The following CABIN1 variants were observed in gnomAD, a reference collection of about 807,000 sequenced individuals.
CABIN1 encodes calcineurin binding protein 1, also known as calcineurin-binding protein cabin-1.
Under a neutral mutation model 227.7 loss-of-function variants are expected in CABIN1, and 133 were observed. The observed-to-expected ratio is 0.58, with a 90% CI of 0.51 to 0.67. The LOEUF is 0.67. Among genes scored for constraint, CABIN1 ranks in the 30% least tolerant of loss-of-function variants. CABIN1 has a pLI of 0.00. For missense variants in CABIN1, 2,408 were observed against 2,852.5 expected, an observed-to-expected ratio of 0.84 and a Z score of 3.55; for synonymous variants, 1,086 against 1,155.1, an observed-to-expected ratio of 0.94 and a Z score of 1.21.
At chr22:24,114,613 A>G (rs1432936915) in intron 27 of CABIN1, among the ~76,000 whole-genome samples, 1 of 152,026 alleles carries the variant, frequency 6.6e-6, no homozygotes, top group African/African-American at 2.4e-5. Flanking sequence ...ACCCCACGCT[A>G]CCTCTCCGGG....
chr22:24,016,392 A>G (rs1449686538), intron 1 of CABIN1, among the ~76,000 whole-genome samples: 1 of 152,088 alleles, frequency 6.6e-6, no homozygotes, highest in Admixed American at 6.5e-5. Context: ...TTATCAGTTG[A>G]TGGATTTTGG....
intron 12 of CABIN1, among the ~76,000 whole-genome samples, chr22:24,061,073 A>C (rs528829238): frequency 3.9e-5 from 6 of 152,314 alleles, no homozygotes; most frequent in Admixed American, 3.3e-4. Context: ...GGGAGCCACC[A>C]TGCCTGGCCT....
intron 29 of CABIN1, among the ~76,000 whole-genome samples, chr22:24,147,636 G>T (rs2045234509): frequency 6.6e-6 from 1 of 151,592 alleles, no homozygotes; most frequent in African/African-American, 2.4e-5. Flanking sequence ...TGAGGGACAG[G>T]TCTCATTATG....
At chr22:24,033,139 T>C (rs1255235233) in intron 1 of CABIN1, among the ~76,000 whole-genome samples, 2 of 152,160 alleles carry the variant, frequency 1.3e-5, no homozygotes, top group Non-Finnish European at 2.9e-5. Flanking sequence ...AGTATTCTTT[T>C]TTTTCTAAAT....
chr22:24,058,215 G>A (rs139680153), intron 10 of CABIN1, among the ~76,000 whole-genome samples: 57 of 152,218 alleles, frequency 3.7e-4, no homozygotes, highest in African/African-American at 1.3e-3. Context: ...TAGAGATGAG[G>A]TCTTGCTATA....
chr22:24,107,060 T>G (rs190079566), intron 26 of CABIN1, among the ~76,000 whole-genome samples: 295 of 152,304 alleles, frequency 1.9e-3, no homozygotes, highest in Non-Finnish European at 3.6e-3. Flanking sequence ...CCTGGACTCC[T>G]TCCTGTGGTG....
intron 16 of CABIN1, among the ~76,000 whole-genome samples, chr22:24,067,734 A>G (rs565196232): frequency 4.5e-4 from 68 of 152,028 alleles, no homozygotes; most frequent in Non-Finnish European, 8.7e-4. Context: ...CAGTTATTCA[A>G]CCTCTCTGAG....
In CABIN1 at chr22:24,178,125, C is replaced by A; in HGVS notation, c.6592C>A (p.Leu2198Met). 1.2e-6 allele frequency: 2 copies of A among 1,613,828 alleles called. No individual in the cohort carries two copies. The highest frequency in any genetic ancestry group is 1.7e-6 in the Non-Finnish European group (2 of 1,179,964). Residue 2198 changes from leucine to methionine, a missense_variant, in exon 37 of 37, where the codon CTG (leucine) becomes ATG (methionine). Physicochemically the swap from Leu to Met is conservative, Grantham distance 15 (BLOSUM62 2). Transcript: ENST00000263119. ...ESLCQPALEV[L>M]ETSSQESSLE... ...CCTATGCCAGCCAGCCCTGGAGGTCCTGGAGACATCCAGCCAGGAGTCCTC... is the reference window on the plus strand; with the variant it reads ...CCTATGCCAGCCAGCCCTGGAGGTCATGGAGACATCCAGCCAGGAGTCCTC...
chr22:24,121,541 C>G (rs1332940169), intron 28 of CABIN1, among the ~76,000 whole-genome samples: 2 of 152,220 alleles, frequency 1.3e-5, no homozygotes, highest in African/African-American at 4.8e-5. Flanking sequence ...GGCAGTGGAC[C>G]TTACCTCTGT....
In CABIN1 at chr22:24,166,904, C is replaced by G; in HGVS notation, c.5273C>G (p.Thr1758Ser). Residue 1758 changes from threonine to serine, a missense_variant, in exon 32 of 37, where the codon ACT (threonine) becomes AGT (serine). Coordinates refer to ENST00000263119, the MANE Select transcript of CABIN1 (RefSeq NM_012295.4). ...KDKESPRAGP[T>S]EPMDTSEATV... Reference sequence around the variant, plus strand: ...AAAGAGAGCCCACGGGCAGGGCCCACTGAGCCCATGGACACGAGTGAGGCC... The same window carrying G: ...AAAGAGAGCCCACGGGCAGGGCCCAGTGAGCCCATGGACACGAGTGAGGCC... 1 of 1,608,578 alleles carries G rather than the reference C, an allele frequency of 6.2e-7. No individual in the cohort carries two copies.
chr22:24,163,099 G>A (rs912189971), intron 29 of CABIN1, among the ~76,000 whole-genome samples: 1 of 152,214 alleles, frequency 6.6e-6, no homozygotes, highest in Non-Finnish European at 1.5e-5. Flanking sequence ...TGCCCTGGAT[G>A]TGGATAGCCT....
At position 24,167,840 on chromosome 22, in the gene CABIN1, C is replaced by A. The variant is rs187274471; in HGVS notation, c.5682+527C>A. ...TGTCAGTTTGCAATGCATCCTACCC[C>A]CAACTGCCCCATATCATATGGACCT... On this transcript the variant is annotated intron_variant, in intron 32 of 36. Coordinates refer to ENST00000263119, the MANE Select transcript of CABIN1 (RefSeq NM_012295.4). 4.6e-3 allele frequency among the ~76,000 whole-genome samples: 708 copies of A among 152,306 alleles called. 3 individuals are homozygous for A. The highest frequency in any genetic ancestry group is 0.012 in the South Asian group (56 of 4,824).
intron 15 of CABIN1, among the ~76,000 whole-genome samples, 171 bp downstream of exon 15, chr22:24,064,358 G>T (rs531929637): frequency 6.6e-6 from 1 of 152,054 alleles, no homozygotes; most frequent in East Asian, 1.9e-4. Context: ...GGTGCCCGCC[G>T]CCATGCCTGG....
At chr22:24,076,994 A>G (rs961630110) in intron 19 of CABIN1, among the ~76,000 whole-genome samples, 4 of 152,294 alleles carry the variant, frequency 2.6e-5, no homozygotes, top group African/African-American at 4.8e-5. Flanking sequence ...ATTCATTTAC[A>G]TATTAACTGT....
intron 1 of CABIN1, among the ~76,000 whole-genome samples, chr22:24,022,296 C>T (rs775029178): frequency 2.6e-5 from 4 of 152,090 alleles, no homozygotes; most frequent in Non-Finnish European, 4.4e-5. Flanking sequence ...CCCGGGCTGC[C>T]CCTGATGTGT....
chr22:24,172,337 T>G (rs1380308999), intron 34 of CABIN1, among the ~76,000 whole-genome samples: 1 of 152,140 alleles, frequency 6.6e-6, no homozygotes. Context: ...GATGGCTTGG[T>G]CAGGTAGGAA....
intron 29 of CABIN1, among the ~76,000 whole-genome samples, chr22:24,140,498 TC>T (rs1391675921): frequency 1.3e-5 from 2 of 151,374 alleles, no homozygotes; most frequent in Non-Finnish European, 2.9e-5. Context: ...CTTCTGGGGC[TC>T]CCCCCGCAGG....
At chr22:24,011,411 G>C (rs766340040) in intron 1 of CABIN1, 44 bp downstream of exon 1, 5 of 153,144 alleles carry the variant, frequency 3.3e-5, no homozygotes, top group African/African-American at 4.8e-5. Context: ...CCGGGGTGGG[G>C]GTGAGGCTCA....
chr22:24,044,771 A>G (rs2037714134), intron 6 of CABIN1, among the ~76,000 whole-genome samples: 1 of 152,172 alleles, frequency 6.6e-6, no homozygotes, highest in South Asian at 2.1e-4. Flanking sequence ...TCATTGTCCA[A>G]TAGCATGTTC....
Sources: gnomAD v4.1 joint callset for allele counts (sites outside exome capture counted in the v4.1 genomes callset) on GRCh38, gnomAD v4.1.1 for gene constraint, MANE v1.5 for transcripts, NCBI Gene and HGNC (gene_info 2026-07-23, HGNC 2026-07-21) for gene names.